Variants in UNC5D observed in about 807,000 individuals in gnomAD.
UNC5D encodes the protein unc-5 netrin receptor D, also known as netrin receptor UNC5D.
Under a neutral mutation model 105.4 loss-of-function variants are expected in UNC5D, and 39 were observed. The ratio of observed to expected loss-of-function variants is 0.37; its 90% CI spans 0.29 to 0.48. The LOEUF (loss-of-function observed/expected upper bound fraction) is 0.48, where lower values mean the gene tolerates loss of function less well. UNC5D is among the 20% of genes least tolerant of loss of function. The pLI is 0.98. For missense variants in UNC5D, 991 were observed against 1,202.4 expected (o/e 0.82, Z 2.60); for synonymous variants, 452 against 450.4 (o/e 1.00, Z -0.04).
At chr8:35,420,735 C>CCATG (rs1480056417) in intron 1 of UNC5D, among the ~76,000 whole-genome samples, 4 of 116,292 alleles carry the variant, frequency 3.4e-5, no homozygotes, top group Non-Finnish European at 7.7e-5. Flanking sequence ...GGTATTAATA[C>CCATG]CATGGGCTTT....
intron 4 of UNC5D, among the ~76,000 whole-genome samples, chr8:35,622,067 G>C (rs1254835642): frequency 6.6e-6 from 1 of 152,064 alleles, no homozygotes; most frequent in Non-Finnish European, 1.5e-5. Context: ...GAGGGGGCCG[G>C]GCGCGGTGGC....
At chr8:35,358,502 G>A (rs1801682375) in intron 1 of UNC5D, among the ~76,000 whole-genome samples, 1 of 152,110 alleles carries the variant, frequency 6.6e-6, no homozygotes. Context: ...GAGGGTCAGG[G>A]GAAGCAGAAC....
At chr8:35,479,664 C>T (rs182810616) in intron 1 of UNC5D, among the ~76,000 whole-genome samples, 102 of 152,194 alleles carry the variant, frequency 6.7e-4, no homozygotes, top group African/African-American at 2.3e-3. Flanking sequence ...TGGAGGCCAT[C>T]ATTTTAAGTG....
chr8:35,565,751 G>A (rs981004197), intron 2 of UNC5D, among the ~76,000 whole-genome samples: 22 of 152,140 alleles, frequency 1.4e-4, no homozygotes, highest in African/African-American at 5.1e-4. Context: ...GTTGTATATG[G>A]TGAGAGGGAT....
At chr8:35,491,617 AGT>A (rs3048026) in intron 1 of UNC5D, among the ~76,000 whole-genome samples, 1 of 151,200 alleles carries the variant, frequency 6.6e-6, no homozygotes. Context: ...AACACTTTAG[AGT>A]GTGTGTGTGT....
At chr8:35,566,250 T>C (rs1407065055) in intron 2 of UNC5D, among the ~76,000 whole-genome samples, 2 of 151,744 alleles carry the variant, frequency 1.3e-5, no homozygotes, top group African/African-American at 4.9e-5. Flanking sequence ...CCATCTCTCA[T>C]CACACATCAT....
At chr8:35,683,786 T>C in intron 5 of UNC5D, 59 bp downstream of exon 5, 3 of 1,396,708 alleles carry the variant, frequency 2.1e-6, no homozygotes, top group Non-Finnish European at 2.8e-6. Flanking sequence ...TAGAGGGATG[T>C]GTGTTTTATT....
intron 1 of UNC5D, among the ~76,000 whole-genome samples, chr8:35,489,834 A>G (rs1811084881): frequency 6.6e-6 from 1 of 152,218 alleles, no homozygotes; most frequent in Non-Finnish European, 1.5e-5. Flanking sequence ...AGGGTATTCC[A>G]TCTACTTTGA....
chr8:35,761,434 G>C (rs966421975), intron 14 of UNC5D, among the ~76,000 whole-genome samples: 1 of 152,092 alleles, frequency 6.6e-6, no homozygotes, highest in Non-Finnish European at 1.5e-5. Flanking sequence ...AGGCTTAGGG[G>C]GCTAAGTGTT....
intron 1 of UNC5D, among the ~76,000 whole-genome samples, chr8:35,287,568 C>G (rs370392555): frequency 6.7e-6 from 1 of 148,564 alleles, no homozygotes; most frequent in East Asian, 2.0e-4. Flanking sequence ...GCTGAGGCGG[C>G]TAATCATTTG....
At chr8:35,350,639 A>C in intron 1 of UNC5D, among the ~76,000 whole-genome samples, 1 of 152,068 alleles carries the variant, frequency 6.6e-6, no homozygotes, top group South Asian at 2.1e-4. Context: ...TGGTGGTCCA[A>C]ATGATTATTT....
chr8:35,434,344 G>T (rs570398192), intron 1 of UNC5D, among the ~76,000 whole-genome samples: 2 of 152,118 alleles, frequency 1.3e-5, no homozygotes, highest in African/African-American at 4.8e-5. Context: ...ATCAATTGTT[G>T]TCTTAGAGTT....
chr8:35,637,839 GAT>G (rs1217259140), intron 4 of UNC5D, among the ~76,000 whole-genome samples: 1 of 152,160 alleles, frequency 6.6e-6, no homozygotes, highest in Non-Finnish European at 1.5e-5. Context: ...CTCAGTCTCT[GAT>G]ATTATTCAAC....
intron 11 of UNC5D, among the ~76,000 whole-genome samples, chr8:35,744,781 G>A (rs903886771): frequency 2.0e-5 from 3 of 152,154 alleles, no homozygotes; most frequent in Non-Finnish European, 2.9e-5. Flanking sequence ...TAAGAAGCAT[G>A]GTGGCTTATA....
intron 1 of UNC5D, among the ~76,000 whole-genome samples, chr8:35,544,224 C>A (rs1018048984): frequency 6.6e-6 from 1 of 152,172 alleles, no homozygotes; most frequent in Admixed American, 6.5e-5. Context: ...TTTCTGCTAA[C>A]GGAGTTTCCA....
intron 14 of UNC5D, 126 bp downstream of exon 14, chr8:35,759,595 C>T: frequency 1.0e-5 from 11 of 1,091,200 alleles, no homozygotes; most frequent in African/African-American, 1.6e-5. Flanking sequence ...TCAAAACTGT[C>T]ACAGAAATGT....
At chr8:35,750,252 C>G (rs1205230038) in intron 12 of UNC5D, among the ~76,000 whole-genome samples, 1 of 152,046 alleles carries the variant, frequency 6.6e-6, no homozygotes, top group African/African-American at 2.4e-5. Flanking sequence ...ATTCTCCTGC[C>G]TCAGACCCGA....
chr8:35,534,351 T>C (rs544246671), intron 1 of UNC5D, among the ~76,000 whole-genome samples: 3 of 152,028 alleles, frequency 2.0e-5, no homozygotes, highest in Non-Finnish European at 4.4e-5. Context: ...TTTAATGACA[T>C]GATATTGTCT....
intron 3 of UNC5D, among the ~76,000 whole-genome samples, chr8:35,568,951 A>G (rs1563544414): frequency 6.6e-6 from 1 of 152,084 alleles, no homozygotes; most frequent in African/African-American, 2.4e-5. Context: ...CATTAAAGAC[A>G]TTAAGGGATT....
Sources: allele counts gnomAD v4.1 joint callset (sites outside exome capture counted in the v4.1 genomes callset), GRCh38; gene constraint gnomAD v4.1.1; transcripts MANE v1.5; gene names NCBI Gene and HGNC (gene_info 2026-07-23, HGNC 2026-07-21).